The following ACSM2A variants were observed in gnomAD, a reference collection of about 807,000 sequenced individuals.
ACSM2A encodes the protein acyl-coenzyme A synthetase ACSM2A, mitochondrial.
ACSM2A carries 72 observed loss-of-function variants against 76.6 expected under a neutral mutation model. The observed-to-expected ratio is 0.94, with a 90% CI of 0.78 to 1.14. ACSM2A has a LOEUF of 1.14. Among genes scored for constraint, ACSM2A ranks in the 50% most tolerant of loss-of-function variants. The pLI, the probability that ACSM2A is intolerant of heterozygous loss-of-function variation, is 0.00. For missense variants in ACSM2A, 684 were observed against 708.5 expected (o/e 0.97, Z 0.39); for synonymous variants, 249 against 255.9 (o/e 0.97, Z 0.26).
At chr16:20,456,911 CA>C (rs61253658) in intron 1 of ACSM2A, among the ~76,000 whole-genome samples, 37,710 of 137,688 alleles carry the variant, frequency 0.27, 6,018 homozygotes, top group Admixed American at 0.39. Flanking sequence ...GAAGATTAAC[CA>C]AAAAAAAAAA....
intron 9 of ACSM2A, among the ~76,000 whole-genome samples, chr16:20,478,158 C>T (rs2013857989): frequency 1.3e-5 from 2 of 152,318 alleles, no homozygotes; most frequent in South Asian, 4.1e-4. Context: ...GTGAAATAAG[C>T]TGTCAGTATC....
At chr16:20,475,967 G>A (rs186674723) in intron 8 of ACSM2A, 194 bp downstream of exon 8, 6 of 1,331,366 alleles carry the variant, frequency 4.5e-6, no homozygotes, top group Non-Finnish European at 6.0e-6. Context: ...TGTTTTCTGG[G>A]AGATTACATT....
intron 3 of ACSM2A, among the ~76,000 whole-genome samples, chr16:20,467,497 T>A (rs552997422): frequency 6.6e-6 from 1 of 152,244 alleles, no homozygotes; most frequent in African/African-American, 2.4e-5. Context: ...GGTGAAGCGA[T>A]GGTGATGGCT....
intron 1 of ACSM2A, among the ~76,000 whole-genome samples, chr16:20,458,909 TATATATATATATATATATATATAC>T (rs1283996658): frequency 3.5e-5 from 2 of 56,728 alleles, no homozygotes; most frequent in African/African-American, 1.0e-4. Flanking sequence ...TATATGCATA[TATATATATATATATATATATATAC>T]ATATATATAT....
chr16:20,467,190 G>T (rs990331838), intron 3 of ACSM2A, among the ~76,000 whole-genome samples: 1 of 152,206 alleles, frequency 6.6e-6, no homozygotes, highest in Non-Finnish European at 1.5e-5. Flanking sequence ...ATATCTATGT[G>T]CCTGAAGTCC....
intron 10 of ACSM2A, among the ~76,000 whole-genome samples, chr16:20,479,577 G>A (rs2013968301): frequency 6.6e-6 from 1 of 152,126 alleles, no homozygotes; most frequent in Non-Finnish European, 1.5e-5. Context: ...AATTGTTGTA[G>A]ATCCAAATGA....
chr16:20,467,959 C>T (rs1409404674), intron 3 of ACSM2A, among the ~76,000 whole-genome samples: 2 of 151,986 alleles, frequency 1.3e-5, no homozygotes, highest in Non-Finnish European at 1.5e-5. Context: ...AAAGCTCCAA[C>T]CCACCTCATA....
At chr16:20,462,355 A>C (rs1270438392) in intron 2 of ACSM2A, among the ~76,000 whole-genome samples, 7 of 152,144 alleles carry the variant, frequency 4.6e-5, no homozygotes, top group Non-Finnish European at 1.0e-4. Flanking sequence ...ACAAGAAGGG[A>C]GTTGGTTTCA....
Position 20,465,801 on chromosome 16 carries a change from C to T in ACSM2A, c.388+74C>T, listed in dbSNP as rs557376064. 2.3e-4 allele frequency: 358 copies of T among 1,540,986 alleles called. 1 individual carries two copies. In the African/African-American group the frequency reaches 4.3e-3, roughly 19 times the overall value. On this transcript the variant is annotated intron_variant, in intron 3 of 13. Coordinates refer to ENST00000573854, the MANE Select transcript of ACSM2A (RefSeq NM_001308172.2). The stretch of plus-strand genomic sequence containing the variant: ...ACTGATAGCAGAGAAATGCAGCCAC[C>T]TCTCTCAAAAGAAGTCTCCTCCTTG...
intron 3 of ACSM2A, among the ~76,000 whole-genome samples, chr16:20,465,951 A>G (rs1203931229): frequency 6.6e-6 from 1 of 152,168 alleles, no homozygotes; most frequent in Non-Finnish European, 1.5e-5. Context: ...TATTCATGGG[A>G]CTTACAGAAC....
intron 4 of ACSM2A, among the ~76,000 whole-genome samples, chr16:20,470,403 A>G (rs2013312210): frequency 6.6e-6 from 1 of 152,244 alleles, no homozygotes; most frequent in Non-Finnish European, 1.5e-5. Context: ...CCAAAAGCCG[A>G]TAGCAAGACT....
chr16:20,483,396 C>A (rs2014207132), intron 13 of ACSM2A, among the ~76,000 whole-genome samples: 1 of 150,930 alleles, frequency 6.6e-6, no homozygotes, highest in Non-Finnish European at 1.5e-5. Context: ...ATGGTGAAAC[C>A]CCATCTCTAC....
At chr16:20,471,968 G>A (rs937573145) in intron 6 of ACSM2A, among the ~76,000 whole-genome samples, 1 of 152,184 alleles carries the variant, frequency 6.6e-6, no homozygotes, top group Non-Finnish European at 1.5e-5. Context: ...TTCCGCTGGT[G>A]TCACCTATCA....
At chr16:20,477,190 G>A (rs2013794781) in intron 8 of ACSM2A, 179 bp from the exon 9 acceptor site, 1 of 1,146,480 alleles carries the variant, frequency 8.7e-7, no homozygotes, top group Non-Finnish European at 1.2e-6. Flanking sequence ...ATTTAGCGAA[G>A]CCCCTAGGAT....
chr16:20,475,019 C>G (rs1243642629), intron 6 of ACSM2A, among the ~76,000 whole-genome samples: 1 of 152,168 alleles, frequency 6.6e-6, no homozygotes, highest in East Asian at 1.9e-4. Context: ...GCTCAGGCAG[C>G]TGATCTTCCC....
At chr16:20,474,060 A>G (rs2013578238) in intron 6 of ACSM2A, 1 of 450,136 alleles carries the variant, frequency 2.2e-6, no homozygotes, top group South Asian at 1.6e-5. Context: ...GACCAAACCA[A>G]TGTATTTTTT....
Position 20,486,858 on chromosome 16 carries a change from G to A in ACSM2A, c.*180G>A. ...TTAGATGTTGAAAGAAGAAAGGGAA[G>A]GAATGAGAGAGAGTGAAAAGGAGAG... On this transcript the variant is annotated 3_prime_UTR_variant, in exon 14 of 14. Transcript: ENST00000573854. The A allele has an allele frequency of 1.4e-6, 1 of 694,916 alleles. No individual in the cohort carries two copies. The allele number at this position is 694,916 out of a possible 1,614,324, so 43.0% of individuals were successfully genotyped here.
chr16:20,452,218 G>A (rs980006592), intron 1 of ACSM2A: 5 of 151,998 alleles, frequency 3.3e-5, no homozygotes, highest in Admixed American at 6.5e-5. Flanking sequence ...CATTTGAGTC[G>A]GTGGGCTGGG....
Position 20,470,220 on chromosome 16 carries a change from G to A in ACSM2A, c.596+501G>A, listed in dbSNP as rs1465361704. Among the ~76,000 whole-genome samples the A allele has an allele frequency of 2.8e-4, 42 of 152,126 alleles. 1 individual carries two copies. The highest frequency in any genetic ancestry group is 2.9e-5 in the Non-Finnish European group (2 of 68,028). On this transcript the variant is annotated intron_variant, in intron 4 of 13. Transcript: ENST00000573854. ...GAAACCCACCCAGAACAATTTACTG[G>A]AACTATGACTCAAATCAGGGGTGAG... is the stretch of plus-strand genomic sequence containing the variant.
Sources: allele counts gnomAD v4.1 joint callset (sites outside exome capture counted in the v4.1 genomes callset), GRCh38; gene constraint gnomAD v4.1.1; transcripts MANE v1.5; gene names NCBI Gene and HGNC (gene_info 2026-07-23, HGNC 2026-07-21).